NPR2: variants seen among roughly 807,000 people sequenced by gnomAD.
The protein encoded by NPR2 is natriuretic peptide receptor 2, also known as atrial natriuretic peptide receptor 2.
A neutral mutation model predicts 120.7 loss-of-function variants in NPR2; 49 were observed. The observed-to-expected ratio is 0.41, with a 90% CI of 0.32 to 0.52. The LOEUF is 0.52. NPR2 is among the 20% of genes least tolerant of loss of function. The pLI, the probability that NPR2 is intolerant of heterozygous loss-of-function variation, is 0.36. For missense variants in NPR2, 931 were observed against 1,362.9 expected (o/e 0.68, Z 4.99); for synonymous variants, 484 against 519.8 (o/e 0.93, Z 0.94).
At chr9:35,794,834 T>TTTTGTGTG (rs1554672219) in intron 2 of NPR2, among the ~76,000 whole-genome samples, 30 of 149,624 alleles carry the variant, frequency 2.0e-4, no homozygotes, top group African/African-American at 6.9e-4. Flanking sequence ...CCTTGACTTT[T>TTTTGTGTG]TGTGTGTGTG....
Position 35,800,582 on chromosome 9 carries a change from G to T in NPR2, c.1218+99G>T. The T allele has an allele frequency of 6.3e-7, 1 of 1,581,424 alleles. No individual in the cohort carries two copies. The highest frequency in any genetic ancestry group is 8.7e-7 in the Non-Finnish European group (1 of 1,151,640). Reference sequence around the variant, plus strand: ...ACCAAAACTACTAGATGAGGGATTTGTTTTCTCTGCTGGCACTGCATCCTG... The same window carrying T: ...ACCAAAACTACTAGATGAGGGATTTTTTTTCTCTGCTGGCACTGCATCCTG... On this transcript the variant is annotated intron_variant, in intron 5 of 21. Transcript: ENST00000342694. This position sits in a 1 kb window ranked among gnomAD's most constrained non-coding sequence, Gnocchi z 4.7.
chr9:35,792,447 G>T lies in NPR2; in HGVS notation c.39G>T (p.Leu13=). 1 of 1,611,400 alleles carries T rather than the reference G, an allele frequency of 6.2e-7. No individual in the cohort carries two copies. Residue 13 remains leucine (L), a synonymous_variant, in exon 1 of 22, where the codon CTG becomes CTT. Transcript: ENST00000342694. ...CACTTCTGCTGTTGGTGGCAGCCCT[G>T]GCAGGTGGGGTGCGTCCTCCCGGGG... ...LPSLLLLVAA[L]AGGVRPPGAR...
Position 35,802,850 on chromosome 9 carries a change from C to A in NPR2, c.1887+47C>A, listed in dbSNP as rs1344690121. 1 of 1,259,442 alleles carries A rather than the reference C, an allele frequency of 7.9e-7. No individual in the cohort carries two copies. The highest frequency in any genetic ancestry group is 1.7e-5 in the Admixed American group (1 of 59,588). 78.0% of individuals were successfully genotyped at this position (1,259,442 alleles called of 1,614,324 possible). ...AAAGTTCATCCACTTTAAATCACTT[C>A]CACTGTTCTTTGATTGTGGTTTTTC... On this transcript the variant is annotated intron_variant, in intron 12 of 21. Coordinates refer to ENST00000342694, the MANE Select transcript of NPR2 (RefSeq NM_003995.4). This position sits in a 1 kb window ranked among gnomAD's most constrained non-coding sequence, Gnocchi z 4.2.
At position 35,794,116 on chromosome 9, in the gene NPR2, C is replaced by A. The variant is rs61758520; in HGVS notation, c.873+13C>A. The A allele has an allele frequency of 4.5e-3, 7,245 of 1,610,056 alleles. 19 individuals are homozygous for A. The highest frequency in any genetic ancestry group is 5.2e-3 in the Non-Finnish European group (6,068 of 1,177,116). On this transcript the variant is annotated intron_variant, in intron 2 of 21. Transcript: ENST00000342694. ...AGAGGCCTTTCAGGTATCATTTGAG[C>A]CAAATCTGAAGGAGGAGGGGGAAGA...
intron 3 of NPR2, 73 bp downstream of exon 3, chr9:35,799,804 A>T: frequency 1.4e-6 from 2 of 1,451,080 alleles, no homozygotes; most frequent in Non-Finnish European, 1.9e-6. Flanking sequence ...ACTCAGCATC[A>T]AGTCTTGGCT....
At position 35,809,712 on chromosome 9, in the gene NPR2, TAAAA is replaced by T; in HGVS notation, c.*271_*274del. ...ATTTTGGTCAAATATAAAACAATAA[TAAAA>T]AAAGTTCTGATGTCATAGTGTGGGA... On this transcript the variant is annotated 3_prime_UTR_variant, in exon 22 of 22. Coordinates refer to ENST00000342694, the MANE Select transcript of NPR2 (RefSeq NM_003995.4). The surrounding 1 kb of genome is among the most constrained non-coding windows in gnomAD (Gnocchi z 4.1). The T allele has an allele frequency of 2.4e-6, 3 of 1,264,520 alleles. No homozygotes were observed. The highest frequency in any genetic ancestry group is 3.4e-6 in the Non-Finnish European group (3 of 886,692). The allele number at this position is 1,264,520 out of a possible 1,614,324, so 78.3% of individuals were successfully genotyped here.
Position 35,792,406 on chromosome 9 carries a change from C to T in NPR2, c.-3C>T. On this transcript the variant is annotated 5_prime_UTR_variant, in exon 1 of 22. Transcript: ENST00000342694. ...GGGGCGGTGGGGCTGCTGCTTTATC[C>T]CCATGGCGCTGCCATCACTTCTGCT... is the stretch of plus-strand genomic sequence containing the variant. 1 of 1,610,422 alleles carries T rather than the reference C, an allele frequency of 6.2e-7. No individual in the cohort carries two copies. Among genetic ancestry groups the T allele is most frequent in the Non-Finnish European group, 8.5e-7 (1 of 1,179,532 alleles).
At chr9:35,793,810 A>T (rs1466612470) in intron 1 of NPR2, 88 bp from the exon 2 acceptor site, 2 of 1,313,068 alleles carry the variant, frequency 1.5e-6, no homozygotes, top group African/African-American at 1.5e-5. Context: ...CTTGCTGAAG[A>T]GGGACATCCC....
chr9:35,800,403 G>A lies in NPR2; in HGVS notation c.1138G>A (p.Val380Ile), dbSNP rs763963978. The change falls in exon 5 of 22, where the codon GTT becomes ATT. Residue 380 changes from valine to isoleucine, a missense_variant. By Grantham distance (29) the Val-to-Ile change is conservative. Around this residue, in one of 3 missense-constraint regions of NPR2, gnomAD observed 681 missense variants for 974.3 expected, o/e 0.70. Transcript: ENST00000342694. The surrounding 1 kb of genome is among the most constrained non-coding windows in gnomAD (Gnocchi z 4.7). ...GRRYHGVTGLVVMDKNNDRET... is the reference protein window; with the variant it reads ...GRRYHGVTGLIVMDKNNDRET... The stretch of plus-strand genomic sequence containing the variant: ...TTCTGTCTTAGGTGTAACTGGGCTG[G>A]TTGTCATGGACAAGAACAATGACCG... The A allele has an allele frequency of 2.5e-6, 4 of 1,613,948 alleles. No homozygotes were observed. In the African/African-American group the frequency reaches 4.0e-5, roughly 16 times the overall value.
Position 35,800,602 on chromosome 9 carries a change from A to T in NPR2, c.1219-107A>T. The T allele has an allele frequency of 6.3e-7, 1 of 1,596,748 alleles. No homozygotes were observed. The highest frequency in any genetic ancestry group is 8.6e-7 in the Non-Finnish European group (1 of 1,165,260). Reference sequence around the variant, plus strand: ...GATTTGTTTTCTCTGCTGGCACTGCATCCTGGCTGGGTGGTAGGCTGGGGA... The same window carrying T: ...GATTTGTTTTCTCTGCTGGCACTGCTTCCTGGCTGGGTGGTAGGCTGGGGA... On this transcript the variant is annotated intron_variant, in intron 5 of 21. Transcript: ENST00000342694. The surrounding 1 kb of genome is among the most constrained non-coding windows in gnomAD (Gnocchi z 4.7).
rs765169911 is a variant in NPR2, at chr9:35,802,375, G to A, written c.1710+92G>A. 7 of 988,446 alleles carry A rather than the reference G, an allele frequency of 7.1e-6. No individual in the cohort carries two copies. Among genetic ancestry groups the A allele is most frequent in the Non-Finnish European group, 9.8e-6 (6 of 613,526 alleles). 61.2% of individuals were successfully genotyped at this position (988,446 alleles called of 1,614,324 possible). On this transcript the variant is annotated intron_variant, in intron 10 of 21. Coordinates refer to ENST00000342694, the MANE Select transcript of NPR2 (RefSeq NM_003995.4). This position sits in a 1 kb window ranked among gnomAD's most constrained non-coding sequence, Gnocchi z 4.2. Reference sequence around the variant, plus strand: ...AAATTGGCTAGATGGGCAAGGGGTTGATTTATAAATGATTTTAAAATCGTA... The same window carrying A: ...AAATTGGCTAGATGGGCAAGGGGTTAATTTATAAATGATTTTAAAATCGTA...
chr9:35,794,800 G>A (rs1827897640), intron 2 of NPR2, among the ~76,000 whole-genome samples: 1 of 151,956 alleles, frequency 6.6e-6, no homozygotes, highest in South Asian at 2.1e-4. Context: ...TAAGTCTTAA[G>A]GCACTAGGAC....
Position 35,792,248 on chromosome 9 carries a change from T to G in NPR2, c.-161T>G. 1 of 267,574 alleles carries G rather than the reference T, an allele frequency of 3.7e-6. No homozygotes were observed. The highest frequency in any genetic ancestry group is 8.9e-5 in the East Asian group (1 of 11,274). The allele number at this position is 267,574 out of a possible 1,614,324, so 16.6% of individuals were successfully genotyped here. The stretch of plus-strand genomic sequence containing the variant: ...CCGCCTTCCTCCCATCTCCCCCTCC[T>G]CTCCCCGGCCCCCAGCACCTTCTGC... On this transcript the variant is annotated 5_prime_UTR_variant, in exon 1 of 22. Coordinates refer to ENST00000342694, the MANE Select transcript of NPR2 (RefSeq NM_003995.4).
rs750685953 is a variant in NPR2, at chr9:35,802,655, C to T, written c.1815+48C>T. ...TATGGCAGGGGTGGGAAGGATAGAC[C>T]CAAAGTTATACTGACTCTATGCTGG... On this transcript the variant is annotated intron_variant, in intron 11 of 21. Coordinates refer to ENST00000342694, the MANE Select transcript of NPR2 (RefSeq NM_003995.4). The surrounding 1 kb of genome is among the most constrained non-coding windows in gnomAD (Gnocchi z 4.2). 3 of 1,480,932 alleles carry T rather than the reference C, an allele frequency of 2.0e-6. No homozygotes were observed. In the South Asian group the frequency reaches 3.4e-5, roughly 17 times the overall value. 91.7% of individuals were successfully genotyped at this position (1,480,932 alleles called of 1,614,324 possible). A position where few individuals can be genotyped will look rare whatever the true frequency, so the allele number is the denominator to read the frequency against.
In NPR2 at chr9:35,800,480, T is replaced by G; in HGVS notation, c.1215T>G (p.Phe405Leu). 6.2e-7 allele frequency: 1 copy of G among 1,612,398 alleles called. No homozygotes were observed. Among genetic ancestry groups the G allele is most frequent in the Non-Finnish European group, 8.5e-7 (1 of 1,178,478 alleles). ...TGGGAGACCTGGATTCTGGGGACTT[T>G]CAGGTGATGGAGGAGGAGGCAGGGA... ...WAMGDLDSGD[F>L]QPAAHYSGAE... The change falls in exon 5 of 22, where the codon TTT becomes TTG. Residue 405 changes from phenylalanine to leucine, a missense_variant. Physicochemically the swap from Phe to Leu is conservative, Grantham distance 22 (BLOSUM62 0). Transcript: ENST00000342694. This position sits in a 1 kb window ranked among gnomAD's most constrained non-coding sequence, Gnocchi z 4.7.
chr9:35,798,311 G>A (rs1828009740), intron 2 of NPR2, among the ~76,000 whole-genome samples: 2 of 152,164 alleles, frequency 1.3e-5, no homozygotes, highest in Non-Finnish European at 2.9e-5. Context: ...AGGTGCTACT[G>A]AATGAACTAT....
At position 35,805,928 on chromosome 9, in the gene NPR2, G is replaced by A. The variant is rs923245039; in HGVS notation, c.2146G>A (p.Glu716Lys). The change falls in exon 14 of 22, where the codon GAG becomes AAG. Residue 716 changes from glutamate (E) to lysine (K), a missense_variant. This residue lies in a region of NPR2 where 681 missense variants were observed against 974.3 expected (regional missense o/e 0.70). Transcript: ENST00000342694. This position sits in a 1 kb window ranked among gnomAD's most constrained non-coding sequence, Gnocchi z 4.9. Reference protein sequence around the residue: ...DVYSFGIILQEIALRSGPFYL... With the variant: ...DVYSFGIILQKIALRSGPFYL... Reference sequence around the variant, plus strand: ...CTATAGCTTTGGGATCATCCTGCAGGAGATAGCACTTCGCAGTGGTCCTTT... The same window carrying A: ...CTATAGCTTTGGGATCATCCTGCAGAAGATAGCACTTCGCAGTGGTCCTTT... 1.9e-6 allele frequency: 3 copies of A among 1,614,070 alleles called. No homozygotes were observed. The highest frequency in any genetic ancestry group is 2.5e-6 in the Non-Finnish European group (3 of 1,180,040).
intron 2 of NPR2, among the ~76,000 whole-genome samples, chr9:35,797,427 G>A (rs967019564): frequency 1.3e-5 from 2 of 152,150 alleles, no homozygotes; most frequent in African/African-American, 2.4e-5. Flanking sequence ...GAGCACCAGC[G>A]GCAAGAATGG....
Position 35,808,229 on chromosome 9 carries a change from A to G in NPR2, c.2713-280A>G. ...TTCTTGCTTCCCATTTCCTGATGGC[A>G]GAGCCTATTTGTCCATGTCCTGCTG... On this transcript the variant is annotated intron_variant, in intron 18 of 21. Transcript: ENST00000342694. The surrounding 1 kb of genome is among the most constrained non-coding windows in gnomAD (Gnocchi z 4.0). 1 of 1,614,160 alleles carries G rather than the reference A, an allele frequency of 6.2e-7. No individual in the cohort carries two copies. Among genetic ancestry groups the G allele is most frequent in the Admixed American group, 1.7e-5 (1 of 60,010 alleles).
Sources: allele counts gnomAD v4.1 joint callset (sites outside exome capture counted in the v4.1 genomes callset), GRCh38; gene constraint gnomAD v4.1.1; regional missense constraint gnomAD v4.1.1; non-coding constraint Gnocchi (gnomAD v3.1); transcripts MANE v1.5; gene names NCBI Gene and HGNC (gene_info 2026-07-23, HGNC 2026-07-21).